The following ST6GALNAC3 variants were observed in gnomAD, a reference collection of about 807,000 sequenced individuals.
The protein encoded by ST6GALNAC3 is ST6 N-acetylgalactosaminide alpha-2,6-sialyltransferase 3.
In ST6GALNAC3, 25 loss-of-function variants were observed where a neutral mutation model predicts 32.7. That is an observed-to-expected ratio of 0.76 (90% CI 0.56 to 1.07). The LOEUF is 1.07. Among genes scored for constraint, ST6GALNAC3 ranks in the 50% least tolerant of loss-of-function variants. The pLI is 0.00. For synonymous variants in ST6GALNAC3, 129 were observed against 133.1 expected, an observed-to-expected ratio of 0.97 and a Z score of 0.21; for missense variants, 355 against 382.4, an observed-to-expected ratio of 0.93 and a Z score of 0.60.
chr1:76,435,060 G>A (rs1022246473), intron 3 of ST6GALNAC3, among the ~76,000 whole-genome samples: 3 of 151,696 alleles, frequency 2.0e-5, no homozygotes, highest in African/African-American at 7.3e-5. Flanking sequence ...CAAAGTGCTG[G>A]GATTATATGC....
chr1:76,453,849 A>G (rs780263557), intron 3 of ST6GALNAC3, among the ~76,000 whole-genome samples: 1 of 152,106 alleles, frequency 6.6e-6, no homozygotes, highest in Non-Finnish European at 1.5e-5. Context: ...TTCCATCTTG[A>G]TGACCTGTCT....
chr1:76,487,277 C>T (rs929119062), intron 3 of ST6GALNAC3, among the ~76,000 whole-genome samples: 5 of 152,098 alleles, frequency 3.3e-5, no homozygotes, highest in African/African-American at 1.2e-4. Flanking sequence ...TGGCCTGCCT[C>T]GCTAGGTTGG....
intron 1 of ST6GALNAC3, among the ~76,000 whole-genome samples, chr1:76,215,588 T>G (rs913181461): frequency 6.6e-6 from 1 of 152,214 alleles, no homozygotes; most frequent in Admixed American, 6.5e-5. Flanking sequence ...ACGTAGTCTA[T>G]TAAGTTACTT....
intron 1 of ST6GALNAC3, among the ~76,000 whole-genome samples, chr1:76,137,506 C>T (rs1334353659): frequency 6.6e-6 from 1 of 152,160 alleles, no homozygotes; most frequent in East Asian, 1.9e-4. Context: ...GAAACAAATG[C>T]AATGAAAGAT....
At chr1:76,380,720 T>C (rs1367029387) in intron 2 of ST6GALNAC3, among the ~76,000 whole-genome samples, 1 of 152,024 alleles carries the variant, frequency 6.6e-6, no homozygotes, top group East Asian at 1.9e-4. Flanking sequence ...AAGCATAGTG[T>C]TTGGAGTGTT....
intron 3 of ST6GALNAC3, among the ~76,000 whole-genome samples, chr1:76,609,292 A>G (rs1368059673): frequency 1.3e-5 from 2 of 152,188 alleles, no homozygotes; most frequent in Non-Finnish European, 2.9e-5. Context: ...TGAAAAAAAG[A>G]TAACAGTATA....
chr1:76,541,886 C>A (rs1354151247), intron 3 of ST6GALNAC3, among the ~76,000 whole-genome samples: 1 of 152,146 alleles, frequency 6.6e-6, no homozygotes, highest in Non-Finnish European at 1.5e-5. Context: ...CACTCAATTA[C>A]CTCATTCATT....
chr1:76,567,276 T>A (rs557634833), intron 3 of ST6GALNAC3, among the ~76,000 whole-genome samples: 3 of 152,250 alleles, frequency 2.0e-5, no homozygotes, highest in African/African-American at 7.2e-5. Flanking sequence ...AGGTTTAATA[T>A]ACTATGCAAG....
intron 1 of ST6GALNAC3, among the ~76,000 whole-genome samples, chr1:76,261,797 T>C (rs902473024): frequency 6.6e-6 from 1 of 152,186 alleles, no homozygotes; most frequent in Non-Finnish European, 1.5e-5. Flanking sequence ...TAATGCATTA[T>C]AGGGACTCCG....
chr1:76,301,524 A>G (rs1224380826), intron 1 of ST6GALNAC3, among the ~76,000 whole-genome samples: 1 of 152,046 alleles, frequency 6.6e-6, no homozygotes, highest in Non-Finnish European at 1.5e-5. Flanking sequence ...AGTGATTCAA[A>G]TGACTGTCAA....
At chr1:76,185,394 C>T (rs1653487528) in intron 1 of ST6GALNAC3, among the ~76,000 whole-genome samples, 2 of 152,168 alleles carry the variant, frequency 1.3e-5, no homozygotes, top group Non-Finnish European at 2.9e-5. Flanking sequence ...ATAATACGAG[C>T]TCCAGATGAG....
intron 2 of ST6GALNAC3, among the ~76,000 whole-genome samples, chr1:76,392,845 G>C (rs1172066584): frequency 6.6e-6 from 1 of 152,194 alleles, no homozygotes; most frequent in Non-Finnish European, 1.5e-5. Flanking sequence ...CTTGCAACTG[G>C]ATAATTGCAA....
In ST6GALNAC3 at chr1:76,590,607, T is replaced by C. The variant is rs542568976; in HGVS notation, c.624-36845T>C. 1.3e-3 allele frequency among the ~76,000 whole-genome samples: 201 copies of C among 152,356 alleles called. 2 individuals carry two copies. The highest frequency in any genetic ancestry group is 4.7e-3 in the African/African-American group (197 of 41,590). On this transcript the variant is annotated intron_variant, in intron 3 of 4. Coordinates refer to ENST00000328299, the MANE Select transcript of ST6GALNAC3 (RefSeq NM_152996.4). ...ACTCTCTATGGATGTACTCATTTTT[T>C]TAAACCCATATTTAAAATTAATAAT... is the stretch of plus-strand genomic sequence containing the variant.
At chr1:76,587,216 C>T (rs940207495) in intron 3 of ST6GALNAC3, among the ~76,000 whole-genome samples, 7 of 152,138 alleles carry the variant, frequency 4.6e-5, no homozygotes, top group Non-Finnish European at 1.0e-4. Context: ...AGGAAAGAGA[C>T]GTGTTTGATA....
At chr1:76,481,837 C>A (rs2101657722) in intron 3 of ST6GALNAC3, among the ~76,000 whole-genome samples, 1 of 152,186 alleles carries the variant, frequency 6.6e-6, no homozygotes, top group Admixed American at 6.6e-5. Context: ...ATTTTACATG[C>A]AAATGTCTGG....
chr1:76,488,743 C>G (rs2101683702), intron 3 of ST6GALNAC3, among the ~76,000 whole-genome samples: 1 of 152,304 alleles, frequency 6.6e-6, no homozygotes, highest in African/African-American at 2.4e-5. Flanking sequence ...GCTTCCACTC[C>G]CAGAGCCAGC....
rs532661698 is a variant in ST6GALNAC3 at position 76,610,346 on chromosome 1, C to T, written c.624-17106C>T. Among the ~76,000 whole-genome samples the T allele has an allele frequency of 2.6e-5, 4 of 152,240 alleles. No homozygotes were observed. The East Asian group carries it at 5.8e-4, about 22-fold the overall frequency. On this transcript the variant is annotated intron_variant, in intron 3 of 4. Transcript: ENST00000328299. ...AAACATGATTGCTCTTTGCCCCAAA[C>T]GGTTGACGGTTCAGACAGCCTACCC...
intron 1 of ST6GALNAC3, among the ~76,000 whole-genome samples, chr1:76,190,436 T>C (rs1336112561): frequency 1.3e-5 from 2 of 152,182 alleles, no homozygotes; most frequent in Admixed American, 6.5e-5. Context: ...GTTTACATTA[T>C]ATTGAAAAAT....
chr1:76,504,883 T>C (rs145173364), intron 3 of ST6GALNAC3, among the ~76,000 whole-genome samples: 135 of 152,306 alleles, frequency 8.9e-4, no homozygotes, highest in African/African-American at 3.1e-3. Context: ...GTCATTTTTT[T>C]CTATCGTACT....
Sources: gnomAD v4.1 joint callset for allele counts (sites outside exome capture counted in the v4.1 genomes callset) on GRCh38, gnomAD v4.1.1 for gene constraint, MANE v1.5 for transcripts, NCBI Gene and HGNC (gene_info 2026-07-23, HGNC 2026-07-21) for gene names.